The following TTC24 variants were observed in gnomAD, a reference collection of about 807,000 sequenced individuals.
The protein encoded by TTC24 is tetratricopeptide repeat protein 24.
In TTC24, 54 loss-of-function variants were observed where a neutral mutation model predicts 63.3. That is an observed-to-expected ratio of 0.85 (90% confidence interval 0.69 to 1.07). TTC24 has a LOEUF of 1.07. Ranked by LOEUF, TTC24 falls within the 50% of genes least tolerant of loss-of-function variation. The probability of loss-of-function intolerance (pLI) is 0.00; values close to 1 mark genes in which losing one functional copy is unlikely to be tolerated. For synonymous variants in TTC24, 276 were observed against 304.3 expected, an observed-to-expected ratio of 0.91 and a Z score of 0.97; for missense variants, 680 against 730.5, an observed-to-expected ratio of 0.93 and a Z score of 0.80.
intron 1 of TTC24, 79 bp from the exon 2 acceptor site, chr1:156,581,282 G>C: frequency 6.7e-6 from 7 of 1,042,132 alleles, no homozygotes; most frequent in Non-Finnish European, 9.6e-6. Context: ...CAGGGGTAGA[G>C]CTGAATTGCC....
intron 1 of TTC24, among the ~76,000 whole-genome samples, chr1:156,580,084 A>G (rs1456544367): frequency 6.6e-6 from 1 of 152,176 alleles, no homozygotes; most frequent in Non-Finnish European, 1.5e-5. Flanking sequence ...ATTCAGGTTT[A>G]AGAGGGCTCT....
rs1053943260 is a variant in TTC24 at position 156,587,376 on chromosome 1, A to T, written c.*826A>T. Among the ~76,000 whole-genome samples the T allele has an allele frequency of 6.6e-6, 1 of 152,268 alleles. No individual in the cohort carries two copies. Among genetic ancestry groups the T allele is most frequent in the African/African-American group, 2.4e-5 (1 of 41,476 alleles). Reference sequence around the variant, plus strand: ...CAGGTCACATAACTAGTATGTAGAGAAGCTGGGAATCAAACCCAGGCAGTG... The same window carrying T: ...CAGGTCACATAACTAGTATGTAGAGTAGCTGGGAATCAAACCCAGGCAGTG... On this transcript the variant is annotated 3_prime_UTR_variant, in exon 11 of 11. Coordinates refer to ENST00000368236, the MANE Select transcript of TTC24 (RefSeq NM_001105669.4).
At position 156,581,435 on chromosome 1, in the gene TTC24, A is replaced by C. The variant is rs1676987957; in HGVS notation, c.71A>C (p.Lys24Thr). The change falls in exon 2 of 11, where the codon AAG (lysine) becomes ACG (threonine). Residue 24 changes from lysine to threonine, a missense_variant. Coordinates refer to ENST00000368236, the MANE Select transcript of TTC24 (RefSeq NM_001105669.4). ...EPEPSSSNKK[K>T]KKRKWLRQEA... Reference sequence around the variant, plus strand: ...GAGCCCTCAAGCTCCAATAAGAAAAAGAAGAAAAGAAAGTGGCTGCGGCAA... The same window carrying C: ...GAGCCCTCAAGCTCCAATAAGAAAACGAAGAAAAGAAAGTGGCTGCGGCAA... 1 of 1,548,586 alleles carries C rather than the reference A, an allele frequency of 6.5e-7. No homozygotes were observed. Among genetic ancestry groups the C allele is most frequent in the East Asian group, 2.4e-5 (1 of 40,882 alleles).
intron 2 of TTC24, 75 bp from the exon 3 acceptor site, chr1:156,582,156 G>C (rs1194643200): frequency 6.8e-7 from 1 of 1,472,486 alleles, no homozygotes; most frequent in South Asian, 1.4e-5. Flanking sequence ...GGGAACCCTG[G>C]AGGAGTCGAT....
At position 156,586,814 on chromosome 1, in the gene TTC24, A is replaced by T. The variant is rs6699526; in HGVS notation, c.*264A>T. 1 of 325,846 alleles carries T rather than the reference A, an allele frequency of 3.1e-6. No individual in the cohort carries two copies. Among genetic ancestry groups the T allele is most frequent in the Non-Finnish European group, 5.8e-6 (1 of 173,726 alleles). The allele number at this position is 325,846 out of a possible 1,614,324, so 20.2% of individuals were successfully genotyped here. ...GGATGGCAAATTCCCTGTCTTTCTG[A>T]ATCCAAATCTTACGATTGCTAGGGG... is the stretch of plus-strand genomic sequence containing the variant. On this transcript the variant is annotated 3_prime_UTR_variant, in exon 11 of 11. Transcript: ENST00000368236.
At chr1:156,585,670 T>G in intron 8 of TTC24, 43 bp from the exon 9 acceptor site, 1 of 1,403,724 alleles carries the variant, frequency 7.1e-7, no homozygotes, top group Non-Finnish European at 1.0e-6. Context: ...AGTTCTTTGC[T>G]ACTTGTTGAG....
At position 156,581,373 on chromosome 1, in the gene TTC24, C is replaced by T. The variant is rs759140326; in HGVS notation, c.9C>T (p.Ser3=). 3 of 1,500,430 alleles carry T rather than the reference C, an allele frequency of 2.0e-6. No homozygotes were observed. Among genetic ancestry groups the T allele is most frequent in the South Asian group, 1.3e-5 (1 of 75,744 alleles). The allele number at this position is 1,500,430 out of a possible 1,614,324, so 92.9% of individuals were successfully genotyped here. A position where few individuals can be genotyped will look rare whatever the true frequency, so the allele number is the denominator to read the frequency against. MS[S]PNPEDVPRRP... ...TCCCCTTTGTCAGCCCTATGTCTTC[C>T]CCCAACCCTGAGGATGTGCCCCGGA... Residue 3 remains serine, a synonymous_variant, in exon 2 of 11, where the codon TCC becomes TCT. Transcript: ENST00000368236.
chr1:156,583,074 A>G lies in TTC24; in HGVS notation c.943A>G (p.Ser315Gly), dbSNP rs748911322. ...GGGGCAGCGGTGGGAGCAGGGCCGG[A>G]GCTTTGGCAGCCTGGCCTTTGCATT... ...SVGQRWEQGR[S>G]FGSLAFALSQ... The change falls in exon 4 of 11, where the codon AGC becomes GGC. Residue 315 changes from serine (S) to glycine (G), a missense_variant. By Grantham distance (56) the Ser-to-Gly change is moderately conservative (BLOSUM62 0). Coordinates refer to ENST00000368236, the MANE Select transcript of TTC24 (RefSeq NM_001105669.4). The surrounding 1 kb of genome is among the most constrained non-coding windows in gnomAD (Gnocchi z 4.0). The G allele has an allele frequency of 6.2e-7, 1 of 1,613,338 alleles. No homozygotes were observed. Among genetic ancestry groups the G allele is most frequent in the Non-Finnish European group, 8.5e-7 (1 of 1,179,722 alleles).
At chr1:156,585,097 G>C (rs760953703) in intron 7 of TTC24, 28 bp from the exon 8 acceptor site, 1 of 1,592,776 alleles carries the variant, frequency 6.3e-7, no homozygotes, top group Non-Finnish European at 8.6e-7. Context: ...GCTCTGCCAA[G>C]CTGTGCCCTG....
Position 156,581,992 on chromosome 1 carries a change from C to T in TTC24, c.628C>T (p.His210Tyr). 4.6e-6 allele frequency: 7 copies of T among 1,509,204 alleles called. No homozygotes were observed. The highest frequency in any genetic ancestry group is 5.3e-6 in the Non-Finnish European group (6 of 1,131,668). The allele number at this position is 1,509,204 out of a possible 1,614,324, so 93.5% of individuals were successfully genotyped here. ...AAGCMLKSGR[H>Y]RVGEVVQVLE... ...AGGATGTATGCTGAAGAGTGGGCGGCATCGGGTGGGGGAAGTTGTGCAGGT... is the reference window on the plus strand; with the variant it reads ...AGGATGTATGCTGAAGAGTGGGCGGTATCGGGTGGGGGAAGTTGTGCAGGT... The change falls in exon 2 of 11, where the codon CAT becomes TAT. Residue 210 changes from histidine (H) to tyrosine (Y), a missense_variant. By Grantham distance (83) the His-to-Tyr change is moderately conservative. Coordinates refer to ENST00000368236, the MANE Select transcript of TTC24 (RefSeq NM_001105669.4).
chr1:156,585,460 A>C, intron 8 of TTC24: 1 of 599,340 alleles, frequency 1.7e-6, no homozygotes, highest in South Asian at 2.0e-5. Context: ...AAGGCCCTGG[A>C]CCATTTTCCC....
At position 156,585,974 on chromosome 1, in the gene TTC24, A is replaced by G. The variant is rs1315255933; in HGVS notation, c.1596A>G (p.Pro532=). The G allele has an allele frequency of 1.3e-6, 2 of 1,598,734 alleles. No individual in the cohort carries two copies. The highest frequency in any genetic ancestry group is 1.7e-6 in the Non-Finnish European group (2 of 1,172,158). ...IYSPGPRAHL[P]FVGPGPPRAE... ...GTCCAGGACCCAGGGCCCATCTTCC[A>G]TTTGTAGGTCCAGGCCCTCCCAGAG... is the stretch of plus-strand genomic sequence containing the variant. The change falls in exon 10 of 11, where the codon CCA becomes CCG. Residue 532 remains proline, a synonymous_variant. Transcript: ENST00000368236.
In TTC24 at chr1:156,583,221, T is replaced by C; in HGVS notation, c.1039+51T>C. ...ACTGGGACAGTGGGGAGGCTGAGGG[T>C]CCTAGGGGCTGGCGGGGAGGCAGAT... On this transcript the variant is annotated intron_variant, in intron 4 of 10. Transcript: ENST00000368236. This position sits in a 1 kb window ranked among gnomAD's most constrained non-coding sequence, Gnocchi z 4.0. The C allele has an allele frequency of 6.2e-7, 1 of 1,604,702 alleles. No individual in the cohort carries two copies. The highest frequency in any genetic ancestry group is 8.5e-7 in the Non-Finnish European group (1 of 1,176,470).
chr1:156,581,609 C>T lies in TTC24; in HGVS notation c.245C>T (p.Ala82Val), dbSNP rs1676997173. The change falls in exon 2 of 11, where the codon GCC becomes GTC. Residue 82 changes from alanine (A) to valine (V), a missense_variant. Coordinates refer to ENST00000368236, the MANE Select transcript of TTC24 (RefSeq NM_001105669.4). ...TRDTPVLQAC[A>V]FNLGAAYVET... Reference sequence around the variant, plus strand: ...GATACCCCTGTGCTCCAGGCCTGCGCCTTCAACCTGGGGGCTGCCTATGTG... The same window carrying T: ...GATACCCCTGTGCTCCAGGCCTGCGTCTTCAACCTGGGGGCTGCCTATGTG... 6.4e-7 allele frequency: 1 copy of T among 1,551,778 alleles called. No homozygotes were observed. Among genetic ancestry groups the T allele is most frequent in the East Asian group, 2.4e-5 (1 of 40,924 alleles).
At chr1:156,586,232 G>A (rs1396873106) in intron 10 of TTC24, among the ~76,000 whole-genome samples, 187 bp downstream of exon 10, 3 of 152,094 alleles carry the variant, frequency 2.0e-5, no homozygotes, top group African/African-American at 7.2e-5. Context: ...ACCCTCACCC[G>A]GCTCTGGAAG....
At chr1:156,584,060 G>T in intron 6 of TTC24, among the ~76,000 whole-genome samples, 165 bp downstream of exon 6, 1 of 152,206 alleles carries the variant, frequency 6.6e-6, no homozygotes, top group East Asian at 1.9e-4. Flanking sequence ...TTCCAAGGGT[G>T]GGAGGTGGGT....
At position 156,586,624 on chromosome 1, in the gene TTC24, C is replaced by A; in HGVS notation, c.*74C>A. On this transcript the variant is annotated 3_prime_UTR_variant, in exon 11 of 11. Coordinates refer to ENST00000368236, the MANE Select transcript of TTC24 (RefSeq NM_001105669.4). ...CGCACACACTAGGGGGTCCTGGGGA[C>A]CAAGCCTCTTCCCAGTTGCTCAGCC... The A allele has an allele frequency of 7.4e-7, 1 of 1,352,720 alleles. No individual in the cohort carries two copies. Among genetic ancestry groups the A allele is most frequent in the South Asian group, 1.2e-5 (1 of 80,316 alleles). The allele number at this position is 1,352,720 out of a possible 1,614,324, so 83.8% of individuals were successfully genotyped here.
At chr1:156,580,978 C>T (rs116317459) in intron 1 of TTC24, among the ~76,000 whole-genome samples, 2,078 of 152,266 alleles carry the variant, frequency 0.014, 17 homozygotes, top group African/African-American at 0.029. Flanking sequence ...CCAGACCCTG[C>T]AAGTTGCTCC....
At chr1:156,582,853 G>A (rs1417714101) in intron 3 of TTC24, among the ~76,000 whole-genome samples, 189 bp from the exon 4 acceptor site, 1 of 152,222 alleles carries the variant, frequency 6.6e-6, no homozygotes, top group Non-Finnish European at 1.5e-5. Context: ...CCAGGTGGAG[G>A]CACTCACACC....
Sources: allele counts gnomAD v4.1 joint callset (sites outside exome capture counted in the v4.1 genomes callset), GRCh38; gene constraint gnomAD v4.1.1; non-coding constraint Gnocchi (gnomAD v3.1); transcripts MANE v1.5; gene names NCBI Gene and HGNC (gene_info 2026-07-23, HGNC 2026-07-21).